Variants in KCTD7 observed in about 807,000 individuals in gnomAD.
KCTD7 encodes potassium channel tetramerization domain containing 7.
Under a neutral mutation model 27.0 loss-of-function variants are expected in KCTD7, and 15 were observed. The ratio of observed to expected loss-of-function variants is 0.56; its 90% confidence interval spans 0.37 to 0.86. The LOEUF (loss-of-function observed/expected upper bound fraction) is 0.86. Among genes scored for constraint, KCTD7 ranks in the 40% least tolerant of loss-of-function variants. The pLI is 0.00. For synonymous variants in KCTD7, 159 were observed against 162.7 expected (o/e 0.98, Z 0.17); for missense variants, 299 against 398.9 (o/e 0.75, Z 2.13).
chr7:66,634,920 G>A (rs1350327106), intron 2 of KCTD7, among the ~76,000 whole-genome samples: 3 of 152,072 alleles, frequency 2.0e-5, no homozygotes, highest in Non-Finnish European at 4.4e-5. Flanking sequence ...TGAGGCCGAG[G>A]TGGGAGGATT....
chr7:66,641,623 T>A lies in KCTD7; in HGVS notation c.*2391T>A. Reference sequence around the variant, plus strand: ...TTGTGATCCTCACAGTAATGTATTCTGTGCCACTGTAGGACACAAGGCTCT... The same window carrying A: ...TTGTGATCCTCACAGTAATGTATTCAGTGCCACTGTAGGACACAAGGCTCT... On this transcript the variant is annotated 3_prime_UTR_variant, in exon 4 of 4. Transcript: ENST00000639828. 1.0e-6 allele frequency: 1 copy of A among 985,460 alleles called. No homozygotes were observed. Among genetic ancestry groups the A allele is most frequent in the South Asian group, 4.7e-5 (1 of 21,290 alleles). 61.0% of individuals were successfully genotyped at this position (985,460 alleles called of 1,614,324 possible). A position where few individuals can be genotyped will look rare whatever the true frequency, so the allele number is the denominator to read the frequency against.
Position 66,638,255 on chromosome 7 carries a change from A to C in KCTD7, c.317A>C (p.Asp106Ala). 6.2e-7 allele frequency: 1 copy of C among 1,614,062 alleles called. No homozygotes were observed. The highest frequency in any genetic ancestry group is 1.1e-5 in the South Asian group (1 of 91,072). ...FIDRDGTHFG[D>A]VLNFLRSGDL... The stretch of plus-strand genomic sequence containing the variant: ...GACCCTCTTTCCTTCCTGCTTAGAG[A>C]TGTGCTGAATTTCCTGCGCTCAGGG... The change falls in exon 3 of 4, where the codon GAT becomes GCT. Residue 106 changes from aspartate to alanine, a missense_variant and splice_region_variant. Asp to Ala is a moderately radical substitution (Grantham distance 126, BLOSUM62 -2). Transcript: ENST00000639828.
Position 66,634,898 on chromosome 7 carries a change from C to A in KCTD7, c.314+1454C>A, listed in dbSNP as rs760130468. 1.9e-3 allele frequency among the ~76,000 whole-genome samples: 291 copies of A among 152,024 alleles called. 3 individuals carry two copies. Among genetic ancestry groups the A allele is most frequent in the Non-Finnish European group, 3.8e-3 (261 of 68,000 alleles). ...AGGCGTGGTGGTACTTGCCTGTAGT[C>A]ACAGCTACTTGTGAGGCCGAGGTGG... On this transcript the variant is annotated intron_variant, in intron 2 of 3. Coordinates refer to ENST00000639828, the MANE Select transcript of KCTD7 (RefSeq NM_153033.5).
chr7:66,641,419 G>A lies in KCTD7; in HGVS notation c.*2187G>A. 1.0e-6 allele frequency: 1 copy of A among 985,394 alleles called. No homozygotes were observed. Among genetic ancestry groups the A allele is most frequent in the South Asian group, 4.7e-5 (1 of 21,290 alleles). 61.0% of individuals were successfully genotyped at this position (985,394 alleles called of 1,614,324 possible). On this transcript the variant is annotated 3_prime_UTR_variant, in exon 4 of 4. Transcript: ENST00000639828. Reference sequence around the variant, plus strand: ...CCTTCTGCTTCCCCCTTCTCCCATGGAGCATGGCAGGGCTTGGTTATTTAG... The same window carrying A: ...CCTTCTGCTTCCCCCTTCTCCCATGAAGCATGGCAGGGCTTGGTTATTTAG...
chr7:66,640,217 TCTG>T lies in KCTD7; in HGVS notation c.*986_*988del. On this transcript the variant is annotated 3_prime_UTR_variant, in exon 4 of 4. Coordinates refer to ENST00000639828, the MANE Select transcript of KCTD7 (RefSeq NM_153033.5). Reference sequence around the variant, plus strand: ...ATTCTCCTTCTAGGAGAGCCTCTCTTCTGAGAAGGTAAAGGAAGGGCTGGGTGA... The same window carrying T: ...ATTCTCCTTCTAGGAGAGCCTCTCTTAGAAGGTAAAGGAAGGGCTGGGTGA... 6.9e-7 allele frequency: 1 copy of T among 1,456,110 alleles called. No homozygotes were observed. Among genetic ancestry groups the T allele is most frequent in the Non-Finnish European group, 9.0e-7 (1 of 1,112,402 alleles). The allele number at this position is 1,456,110 out of a possible 1,614,324, so 90.2% of individuals were successfully genotyped here.
rs1786696902 is a variant in KCTD7 at position 66,640,782 on chromosome 7, A to G, written c.*1550A>G. On this transcript the variant is annotated 3_prime_UTR_variant, in exon 4 of 4. Coordinates refer to ENST00000639828, the MANE Select transcript of KCTD7 (RefSeq NM_153033.5). Reference sequence around the variant, plus strand: ...GAGATTAAGACTGTAGTATACTATGATCGTGCCTGTGGCTAGCCACTGTGC... The same window carrying G: ...GAGATTAAGACTGTAGTATACTATGGTCGTGCCTGTGGCTAGCCACTGTGC... 2.0e-6 allele frequency: 2 copies of G among 991,200 alleles called. No individual in the cohort carries two copies. Among genetic ancestry groups the G allele is most frequent in the Non-Finnish European group, 2.4e-6 (2 of 828,686 alleles). 61.4% of individuals were successfully genotyped at this position (991,200 alleles called of 1,614,324 possible). A position where few individuals can be genotyped will look rare whatever the true frequency, so the allele number is the denominator to read the frequency against.
chr7:66,639,859 G>A lies in KCTD7; in HGVS notation c.*627G>A. The A allele has an allele frequency of 8.0e-7, 1 of 1,246,856 alleles. No individual in the cohort carries two copies. The highest frequency in any genetic ancestry group is 1.0e-6 in the Non-Finnish European group (1 of 996,410). 77.2% of individuals were successfully genotyped at this position (1,246,856 alleles called of 1,614,324 possible). On this transcript the variant is annotated 3_prime_UTR_variant, in exon 4 of 4. Transcript: ENST00000639828. ...ACCTTTTGGAGATTTAACCATAGCT[G>A]CCAAAGCTATGCACCCAGTTGGCCT...
Position 66,639,715 on chromosome 7 carries a change from T to C in KCTD7, c.*483T>C, listed in dbSNP as rs1786670239. On this transcript the variant is annotated 3_prime_UTR_variant, in exon 4 of 4. Transcript: ENST00000639828. ...ACCTGACCAGCCACCCCATAGCCCCTGGCTGAAGAAGAAAGAGCATCTTCT... is the reference window on the plus strand; with the variant it reads ...ACCTGACCAGCCACCCCATAGCCCCCGGCTGAAGAAGAAAGAGCATCTTCT... 8.0e-7 allele frequency: 1 copy of C among 1,247,032 alleles called. No individual in the cohort carries two copies. Among genetic ancestry groups the C allele is most frequent in the Admixed American group, 3.8e-5 (1 of 26,542 alleles). The allele number at this position is 1,247,032 out of a possible 1,614,324, so 77.2% of individuals were successfully genotyped here. A position where few individuals can be genotyped will look rare whatever the true frequency, so the allele number is the denominator to read the frequency against.
Position 66,640,860 on chromosome 7 carries a change from G to A in KCTD7, c.*1628G>A, listed in dbSNP as rs919820424. The A allele has an allele frequency of 4.2e-5, 41 of 985,028 alleles. No homozygotes were observed. In the African/African-American group the frequency reaches 7.2e-4, roughly 17 times the overall value. The allele number at this position is 985,028 out of a possible 1,614,324, so 61.0% of individuals were successfully genotyped here. On this transcript the variant is annotated 3_prime_UTR_variant, in exon 4 of 4. Coordinates refer to ENST00000639828, the MANE Select transcript of KCTD7 (RefSeq NM_153033.5). ...ATAAATAAATAAATAAATAAATTGG[G>A]GAGGACAGCCTCACTGGTATCAGAC... is the stretch of plus-strand genomic sequence containing the variant.
At chr7:66,629,277 G>C in intron 1 of KCTD7, 69 bp downstream of exon 1, 1 of 1,085,210 alleles carries the variant, frequency 9.2e-7, no homozygotes, top group Non-Finnish European at 1.2e-6. Context: ...GCGGGGCATA[G>C]CGGTCCTCGG....
Position 66,629,162 on chromosome 7 carries a change from C to T in KCTD7, c.98C>T (p.Pro33Leu). The stretch of plus-strand genomic sequence containing the variant: ...GACGACTTTCTGGAGCCGGCCACGC[C>T]GACGGCCACGCAGGCGGGGCACGCG... Reference protein sequence around the residue: ...AEDDFLEPATPTATQAGHALP... With the variant: ...AEDDFLEPATLTATQAGHALP... The change falls in exon 1 of 4, where the codon CCG becomes CTG. Residue 33 changes from proline to leucine, a missense_variant. Transcript: ENST00000639828. The T allele has an allele frequency of 6.6e-7, 1 of 1,523,628 alleles. No homozygotes were observed. The allele number at this position is 1,523,628 out of a possible 1,614,324, so 94.4% of individuals were successfully genotyped here.
intron 2 of KCTD7, among the ~76,000 whole-genome samples, chr7:66,634,779 A>G (rs1234481742): frequency 2.0e-5 from 3 of 151,486 alleles, no homozygotes; most frequent in African/African-American, 7.3e-5. Context: ...TTTGCCAAGG[A>G]AAGTCTTTAA....
intron 1 of KCTD7, 36 bp downstream of exon 1, chr7:66,629,244 A>AG (rs1786386404): frequency 1.5e-6 from 1 of 651,866 alleles, no homozygotes; most frequent in Non-Finnish European, 1.9e-6. Context: ...GGGCGTGGGG[A>AG]GGGGCGCGGG....
Position 66,640,196 on chromosome 7 carries a change from T to C in KCTD7, c.*964T>C. 1 of 1,438,878 alleles carries C rather than the reference T, an allele frequency of 6.9e-7. No homozygotes were observed. The highest frequency in any genetic ancestry group is 1.5e-5 in the South Asian group (1 of 64,992). 89.1% of individuals were successfully genotyped at this position (1,438,878 alleles called of 1,614,324 possible). A position where few individuals can be genotyped will look rare whatever the true frequency, so the allele number is the denominator to read the frequency against. ...CTGTTCCTCTGTCCTGGTAACATTC[T>C]CCTTCTAGGAGAGCCTCTCTTCTGA... is the stretch of plus-strand genomic sequence containing the variant. On this transcript the variant is annotated 3_prime_UTR_variant, in exon 4 of 4. Transcript: ENST00000639828.
chr7:66,642,191 C>G lies in KCTD7; in HGVS notation c.*2959C>G. ...GAAGCAAAACCACACTGAAATGCAT[C>G]CCACTCCAGGAGAGGAATTCTTAGC... is the stretch of plus-strand genomic sequence containing the variant. On this transcript the variant is annotated 3_prime_UTR_variant, in exon 4 of 4. Coordinates refer to ENST00000639828, the MANE Select transcript of KCTD7 (RefSeq NM_153033.5). 2 of 985,388 alleles carry G rather than the reference C, an allele frequency of 2.0e-6. No individual in the cohort carries two copies. The highest frequency in any genetic ancestry group is 2.4e-6 in the Non-Finnish European group (2 of 829,928). The allele number at this position is 985,388 out of a possible 1,614,324, so 61.0% of individuals were successfully genotyped here. A position where few individuals can be genotyped will look rare whatever the true frequency, so the allele number is the denominator to read the frequency against.
At position 66,642,765 on chromosome 7, in the gene KCTD7, C is replaced by T. The variant is rs942844197; in HGVS notation, c.*3533C>T. 47 of 984,828 alleles carry T rather than the reference C, an allele frequency of 4.8e-5. No homozygotes were observed. Among genetic ancestry groups the T allele is most frequent in the Admixed American group, 6.2e-5 (1 of 16,200 alleles). 61.0% of individuals were successfully genotyped at this position (984,828 alleles called of 1,614,324 possible). ...GTTGGGAACTGGGGTGGGAGAGGCACTTTTTGGAATTCTGAAAGAATCATA... is the reference window on the plus strand; with the variant it reads ...GTTGGGAACTGGGGTGGGAGAGGCATTTTTTGGAATTCTGAAAGAATCATA... On this transcript the variant is annotated 3_prime_UTR_variant, in exon 4 of 4. Coordinates refer to ENST00000639828, the MANE Select transcript of KCTD7 (RefSeq NM_153033.5).
chr7:66,638,542 C>T (rs1273932488), intron 3 of KCTD7, 111 bp downstream of exon 3: 1 of 1,197,040 alleles, frequency 8.4e-7, no homozygotes, highest in Non-Finnish European at 1.2e-6. Flanking sequence ...CCAGATTACT[C>T]AAGATGCGAT....
Position 66,640,131 on chromosome 7 carries a change from T to C in KCTD7, c.*899T>C. On this transcript the variant is annotated 3_prime_UTR_variant, in exon 4 of 4. Transcript: ENST00000639828. ...ATCTCATGTGTTAGAATCCAGTTTG[T>C]GGTGAACCTCTTTGGAAGGGGACCC... 7.4e-7 allele frequency: 1 copy of C among 1,352,878 alleles called. No individual in the cohort carries two copies. Among genetic ancestry groups the C allele is most frequent in the Non-Finnish European group, 9.4e-7 (1 of 1,059,142 alleles). 83.8% of individuals were successfully genotyped at this position (1,352,878 alleles called of 1,614,324 possible). A position where few individuals can be genotyped will look rare whatever the true frequency, so the allele number is the denominator to read the frequency against.
intron 2 of KCTD7, among the ~76,000 whole-genome samples, chr7:66,636,122 A>G (rs979934073): frequency 1.3e-5 from 2 of 152,258 alleles, no homozygotes; most frequent in African/African-American, 4.8e-5. Flanking sequence ...TGAATGACTC[A>G]GATAAAATAG....
Sources: gnomAD v4.1 joint callset for allele counts (sites outside exome capture counted in the v4.1 genomes callset) on GRCh38, gnomAD v4.1.1 for gene constraint, MANE v1.5 for transcripts, NCBI Gene and HGNC (gene_info 2026-07-23, HGNC 2026-07-21) for gene names.